The following AVEN variants were observed in gnomAD, a reference collection of about 807,000 sequenced individuals.
AVEN encodes apoptosis and caspase activation inhibitor.
Under a neutral mutation model 38.1 loss-of-function variants are expected in AVEN, and 41 were observed. The observed-to-expected ratio is 1.08, with a 90% CI of 0.84 to 1.40. The LOEUF (loss-of-function observed/expected upper bound fraction) is 1.40. Ranked by LOEUF, AVEN falls within the 40% of genes most tolerant of loss-of-function variation. The pLI, the probability that AVEN is intolerant of heterozygous loss-of-function variation, is 0.00. For synonymous variants in AVEN, 206 were observed against 171.8 expected, an observed-to-expected ratio of 1.20 and a Z score of -1.56; for missense variants, 605 against 438.8, an observed-to-expected ratio of 1.38 and a Z score of -3.38.
At chr15:33,940,778 G>A (rs1894287114) in intron 2 of AVEN, among the ~76,000 whole-genome samples, 1 of 152,106 alleles carries the variant, frequency 6.6e-6, no homozygotes. Flanking sequence ...TTGACCACGT[G>A]ATCCACCCAC....
At chr15:33,942,990 A>G (rs1160401773) in intron 2 of AVEN, among the ~76,000 whole-genome samples, 1 of 152,238 alleles carries the variant, frequency 6.6e-6, no homozygotes, top group Non-Finnish European at 1.5e-5. Context: ...GCAAGAACAT[A>G]AAGAAAGTGC....
rs77250014 is a variant in AVEN at position 33,964,057 on chromosome 15, G to A, written c.445+38975C>T. Among the ~76,000 whole-genome samples the A allele has an allele frequency of 8.4e-3, 1,265 of 150,618 alleles. 13 individuals are homozygous for A. The highest frequency in any genetic ancestry group is 0.026 in the South Asian group (125 of 4,790). On this transcript the variant is annotated intron_variant, in intron 2 of 5. Transcript: ENST00000306730. Reference sequence around the variant, plus strand: ...ACATCTTGTGACCACACGTTCAAATGTTAGTGTCCCCACTAGCCTACAGGG... The same window carrying A: ...ACATCTTGTGACCACACGTTCAAATATTAGTGTCCCCACTAGCCTACAGGG...
At position 33,870,865 on chromosome 15, in the gene AVEN, G is replaced by A. The variant is rs193159625; in HGVS notation, c.612+70C>T. On this transcript the variant is annotated intron_variant, in intron 4 of 5. Transcript: ENST00000306730. ...AGCTGACACTGAGACATCCTGCTGA[G>A]GGAAGTGTTCCCCTCTTTTTCTCCT... 9.6e-5 allele frequency: 106 copies of A among 1,107,100 alleles called. 2 individuals are homozygous for A. In the Admixed American group the frequency reaches 1.7e-3, roughly 18 times the overall value. 68.6% of individuals were successfully genotyped at this position (1,107,100 alleles called of 1,614,324 possible).
intron 2 of AVEN, among the ~76,000 whole-genome samples, chr15:33,902,867 T>C (rs976211470): frequency 3.9e-5 from 6 of 152,152 alleles, no homozygotes; most frequent in Non-Finnish European, 5.9e-5. Flanking sequence ...AATTAATTTA[T>C]CCATTAATCC....
rs777588160 is a variant in AVEN at position 33,867,538 on chromosome 15, G to A, written c.930C>T (p.Asp310=). Residue 310 remains aspartate, a synonymous_variant, in exon 5 of 6, where the codon GAC becomes GAT. Transcript: ENST00000306730. The part of the protein sequence containing the change: ...DNILPDQTSQ[D]LKSKEDGEVV... ...CCTCCCCATCTTCCTTGGATTTCAG[G>A]TCCTGAGACGTCTGATCTGGTAAGA... 1.2e-6 allele frequency: 2 copies of A among 1,606,240 alleles called. No homozygotes were observed. The highest frequency in any genetic ancestry group is 1.7e-6 in the Non-Finnish European group (2 of 1,176,756).
intron 2 of AVEN, among the ~76,000 whole-genome samples, chr15:33,905,932 G>A (rs1892684155): frequency 6.6e-6 from 1 of 151,946 alleles, no homozygotes; most frequent in East Asian, 1.9e-4. Flanking sequence ...GTTACCTACT[G>A]TCTTCCCTAT....
At chr15:33,982,105 G>C (rs1167355821) in intron 2 of AVEN, among the ~76,000 whole-genome samples, 1 of 151,548 alleles carries the variant, frequency 6.6e-6, no homozygotes, top group South Asian at 2.1e-4. Flanking sequence ...GACCTCAGAT[G>C]ATCCACCCGC....
chr15:33,924,658 T>A (rs747056524), intron 2 of AVEN, among the ~76,000 whole-genome samples: 1 of 152,220 alleles, frequency 6.6e-6, no homozygotes, highest in Non-Finnish European at 1.5e-5. Context: ...ATGATTGTCT[T>A]ATACTATTTT....
chr15:33,897,837 G>A (rs948198966), intron 2 of AVEN, among the ~76,000 whole-genome samples: 1 of 152,106 alleles, frequency 6.6e-6, no homozygotes, highest in South Asian at 2.1e-4. Flanking sequence ...AGTTATGATT[G>A]TGCCACTGCA....
At chr15:33,990,187 G>A (rs551851630) in intron 2 of AVEN, among the ~76,000 whole-genome samples, 4 of 151,790 alleles carry the variant, frequency 2.6e-5, no homozygotes, top group African/African-American at 9.7e-5. Flanking sequence ...CTGGGCAACA[G>A]GGTGAGACTC....
At chr15:33,865,396 C>G (rs2153030408), downstream of AVEN, 1 of 588,574 alleles carries the variant, frequency 1.7e-6, no homozygotes, top group African/African-American at 1.9e-5. Context: ...GCTTTTTGTG[C>G]CTAATGGACA....
At chr15:33,871,377 G>A (rs191316940) in intron 3 of AVEN, among the ~76,000 whole-genome samples, 1 of 152,232 alleles carries the variant, frequency 6.6e-6, no homozygotes, top group African/African-American at 2.4e-5. Context: ...GACCATCCTA[G>A]CCAACATGGT....
intron 2 of AVEN, among the ~76,000 whole-genome samples, chr15:33,945,689 G>A (rs1004967463): frequency 1.7e-4 from 26 of 152,160 alleles, no homozygotes; most frequent in Admixed American, 1.2e-3. Context: ...GAGTTCAAGC[G>A]AGTCCCCTGC....
chr15:33,854,251 A>T (rs1472349853), downstream of AVEN: 6 of 662,230 alleles, frequency 9.1e-6, no homozygotes, highest in East Asian at 1.7e-4. Flanking sequence ...TCTCATGGGG[A>T]GCACATACAA....
rs141335353 is a variant in AVEN at position 33,873,837 on chromosome 15, T to C, written c.516+2088A>G. On this transcript the variant is annotated intron_variant, in intron 3 of 5. Coordinates refer to ENST00000306730, the MANE Select transcript of AVEN (RefSeq NM_020371.3). ...CTCAAGCTAGAAAGCATAGTGCCAT[T>C]GCAAATCTTTCTTGTCCTTGTGTCT... Among the ~76,000 whole-genome samples the C allele has an allele frequency of 3.6e-3, 549 of 152,288 alleles. 3 individuals are homozygous for C. The highest frequency in any genetic ancestry group is 0.016 in the South Asian group (77 of 4,826).
downstream of AVEN, chr15:33,858,125 C>A: frequency 3.1e-6 from 2 of 636,316 alleles, no homozygotes; most frequent in Non-Finnish European, 5.3e-6. Context: ...TTTTCATTAC[C>A]ACACATCTAA....
intron 2 of AVEN, among the ~76,000 whole-genome samples, chr15:33,946,358 C>G (rs961935259): frequency 6.6e-6 from 1 of 152,096 alleles, no homozygotes; most frequent in African/African-American, 2.4e-5. Flanking sequence ...AGTCACTCCC[C>G]CTCATCTCCT....
intron 1 of AVEN, among the ~76,000 whole-genome samples, chr15:34,003,470 A>G (rs1186763236): frequency 6.6e-6 from 1 of 152,206 alleles, no homozygotes; most frequent in Non-Finnish European, 1.5e-5. Flanking sequence ...ATTTATCCCT[A>G]TGTATCCTAT....
chr15:33,854,238 T>C (rs983458387), downstream of AVEN: 17 of 637,870 alleles, frequency 2.7e-5, 1 homozygote, highest in African/African-American at 2.3e-4. Flanking sequence ...AACTGTTCTC[T>C]TGTCTCATGG....
Sources: gnomAD v4.1 joint callset for allele counts (sites outside exome capture counted in the v4.1 genomes callset) on GRCh38, gnomAD v4.1.1 for gene constraint, MANE v1.5 for transcripts, NCBI Gene and HGNC (gene_info 2026-07-23, HGNC 2026-07-21) for gene names.